The following GPR158 variants were observed in gnomAD, a reference collection of about 807,000 sequenced individuals.
GPR158 encodes the protein G protein-coupled receptor 158.
GPR158 carries 30 observed loss-of-function variants against 78.2 expected under a neutral mutation model. The observed-to-expected ratio is 0.38, with a 90% CI of 0.29 to 0.52. The LOEUF is 0.52. GPR158 is among the 20% of genes least tolerant of loss of function. GPR158 has a pLI of 0.83. For missense variants in GPR158, 1,463 were observed against 1,523.5 expected, an observed-to-expected ratio of 0.96 and a Z score of 0.66; for synonymous variants, 581 against 591.1, an observed-to-expected ratio of 0.98 and a Z score of 0.25.
chr10:25,407,912 C>T (rs895411106), intron 3 of GPR158, among the ~76,000 whole-genome samples: 2 of 152,124 alleles, frequency 1.3e-5, no homozygotes, highest in African/African-American at 4.8e-5. Flanking sequence ...TACTCCTCTA[C>T]CCAAAACCCT....
intron 4 of GPR158, 107 bp from the exon 5 acceptor site, chr10:25,466,544 C>T: frequency 3.2e-6 from 2 of 624,270 alleles, no homozygotes; most frequent in Non-Finnish European, 5.6e-6. Flanking sequence ...TATTTAATTT[C>T]CCCCAAAGAA....
intron 5 of GPR158, among the ~76,000 whole-genome samples, chr10:25,474,260 G>T (rs1470202098): frequency 1.3e-5 from 2 of 152,066 alleles, no homozygotes; most frequent in East Asian, 1.9e-4. Flanking sequence ...TTGGGCATAG[G>T]ATCTCCGGAA....
chr10:25,359,859 C>T (rs1300627575), intron 2 of GPR158, among the ~76,000 whole-genome samples: 1 of 152,190 alleles, frequency 6.6e-6, no homozygotes, highest in Non-Finnish European at 1.5e-5. Flanking sequence ...AATGGTTTAA[C>T]TAATTTACAC....
chr10:25,275,912 GT>G (rs767860099), intron 2 of GPR158, among the ~76,000 whole-genome samples: 5 of 152,046 alleles, frequency 3.3e-5, no homozygotes, highest in African/African-American at 4.8e-5. Flanking sequence ...CTTCTGGCAT[GT>G]TATTAAAAAA....
At chr10:25,345,037 A>G (rs1266788213) in intron 2 of GPR158, among the ~76,000 whole-genome samples, 1 of 151,932 alleles carries the variant, frequency 6.6e-6, no homozygotes. Flanking sequence ...TCACCTCCTA[A>G]TACTATCACC....
intron 2 of GPR158, among the ~76,000 whole-genome samples, chr10:25,381,409 G>T (rs1248666402): frequency 6.6e-6 from 1 of 152,082 alleles, no homozygotes; most frequent in East Asian, 1.9e-4. Flanking sequence ...AGTGAATTTA[G>T]GGTTGAGAGA....
chr10:25,442,581 A>ATGTTTAAAACTGGATGTTTAAAACTG (rs1835083003), intron 4 of GPR158, among the ~76,000 whole-genome samples: 1 of 151,960 alleles, frequency 6.6e-6, no homozygotes, highest in South Asian at 2.1e-4. Context: ...TTAATACGTC[A>ATGTTTAAAACTGGATGTTTAAAACTG]GTATGTTTAA....
intron 5 of GPR158, among the ~76,000 whole-genome samples, chr10:25,506,715 T>C (rs1836017986): frequency 6.6e-6 from 1 of 152,192 alleles, no homozygotes; most frequent in Non-Finnish European, 1.5e-5. Context: ...GGAAAATCCA[T>C]ACAGGCCCAG....
At chr10:25,215,725 C>T (rs1393998791) in intron 1 of GPR158, among the ~76,000 whole-genome samples, 1 of 151,988 alleles carries the variant, frequency 6.6e-6, no homozygotes, top group African/African-American at 2.4e-5. Flanking sequence ...GTCCCAGCTA[C>T]TCAGGAGGCT....
chr10:25,184,189 A>T (rs992032538), intron 1 of GPR158, among the ~76,000 whole-genome samples: 9 of 152,100 alleles, frequency 5.9e-5, no homozygotes, highest in African/African-American at 1.7e-4. Flanking sequence ...CTGTATGTAA[A>T]TTTTTTTATT....
intron 2 of GPR158, among the ~76,000 whole-genome samples, chr10:25,360,016 TGAG>T (rs1361744618): frequency 1.3e-5 from 2 of 152,200 alleles, no homozygotes; most frequent in East Asian, 1.9e-4. Flanking sequence ...TGACCAGCAA[TGAG>T]GAGATTTTTT....
chr10:25,338,535 T>G (rs1564426340), intron 2 of GPR158, among the ~76,000 whole-genome samples: 2 of 145,878 alleles, frequency 1.4e-5, no homozygotes, highest in Non-Finnish European at 3.0e-5. Context: ...ATTACGTATA[T>G]TATATATACG....
intron 6 of GPR158, among the ~76,000 whole-genome samples, chr10:25,563,174 T>C (rs1391533371): frequency 6.6e-6 from 1 of 152,024 alleles, no homozygotes; most frequent in African/African-American, 2.4e-5. Flanking sequence ...GTAACTCTTA[T>C]AGAAAACATA....
At chr10:25,285,363 C>A (rs1483760083) in intron 2 of GPR158, among the ~76,000 whole-genome samples, 2 of 151,968 alleles carry the variant, frequency 1.3e-5, no homozygotes, top group East Asian at 3.9e-4. Flanking sequence ...GGGATTGGCT[C>A]ATGTGATTAT....
rs901073540 is a variant in GPR158 at position 25,280,875 on chromosome 10, C to T, written c.1008+59718C>T. Among the ~76,000 whole-genome samples, 4 of 152,244 alleles carry T rather than the reference C, an allele frequency of 2.6e-5. No individual in the cohort carries two copies. The South Asian group carries it at 8.3e-4, about 32-fold the overall frequency. On this transcript the variant is annotated intron_variant, in intron 2 of 10. Coordinates refer to ENST00000376351, the MANE Select transcript of GPR158 (RefSeq NM_020752.3). Reference sequence around the variant, plus strand: ...ATCAGGTTGGACGTGGTGGCTCGTGCCTATAATCCCAGCACTTTGGGAGGC... The same window carrying T: ...ATCAGGTTGGACGTGGTGGCTCGTGTCTATAATCCCAGCACTTTGGGAGGC...
At chr10:25,406,514 C>G (rs922307998) in intron 3 of GPR158, among the ~76,000 whole-genome samples, 4 of 152,092 alleles carry the variant, frequency 2.6e-5, no homozygotes, top group African/African-American at 9.7e-5. Context: ...AGAGTTTATT[C>G]AAGCAAAAAG....
At chr10:25,354,205 A>C (rs1193631606) in intron 2 of GPR158, among the ~76,000 whole-genome samples, 1 of 151,972 alleles carries the variant, frequency 6.6e-6, no homozygotes, top group Non-Finnish European at 1.5e-5. Context: ...AATACAAAAA[A>C]TTAGCCAGGC....
At chr10:25,530,264 G>A (rs139178254) in intron 5 of GPR158, among the ~76,000 whole-genome samples, 1 of 152,326 alleles carries the variant, frequency 6.6e-6, no homozygotes, top group African/African-American at 2.4e-5. Flanking sequence ...TTCCCAATAT[G>A]TGGGCATATT....
At chr10:25,275,507 T>G (rs1481715981) in intron 2 of GPR158, among the ~76,000 whole-genome samples, 4 of 152,208 alleles carry the variant, frequency 2.6e-5, no homozygotes, top group Admixed American at 6.5e-5. Context: ...AACAACCTTT[T>G]CCAACACCCT....
Sources: gnomAD v4.1 joint callset for allele counts (sites outside exome capture counted in the v4.1 genomes callset) on GRCh38, gnomAD v4.1.1 for gene constraint, MANE v1.5 for transcripts, NCBI Gene and HGNC (gene_info 2026-07-23, HGNC 2026-07-21) for gene names.